The following NR2E1 variants were observed in gnomAD, a reference collection of about 807,000 sequenced individuals.
The protein encoded by NR2E1 is nuclear receptor TLX.
A neutral mutation model predicts 43.6 loss-of-function variants in NR2E1; 5 were observed. The observed-to-expected ratio is 0.11, with a 90% CI of 0.06 to 0.24. The LOEUF is 0.24. Among genes scored for constraint, NR2E1 ranks in the 10% least tolerant of loss-of-function variants. NR2E1 has a pLI of 1.00. For synonymous variants in NR2E1, 191 were observed against 195.5 expected (o/e 0.98, Z 0.19); for missense variants, 287 against 496.7 (o/e 0.58, Z 4.01).
chr6:108,170,717 G>T (rs1161544138), intron 1 of NR2E1, among the ~76,000 whole-genome samples: 1 of 152,120 alleles, frequency 6.6e-6, no homozygotes, highest in Non-Finnish European at 1.5e-5. Flanking sequence ...GAAATGGAGG[G>T]AGCCTGTCCC....
At chr6:108,170,569 G>A (rs1448153925) in intron 1 of NR2E1, among the ~76,000 whole-genome samples, 3 of 150,952 alleles carry the variant, frequency 2.0e-5, no homozygotes, top group African/African-American at 7.3e-5. Context: ...GGGGTGGGGG[G>A]ATACAGCCTA....
At chr6:108,173,692 T>A (rs1773848441) in intron 2 of NR2E1, among the ~76,000 whole-genome samples, 1 of 152,240 alleles carries the variant, frequency 6.6e-6, no homozygotes, top group Non-Finnish European at 1.5e-5. Flanking sequence ...ATTATCTTTC[T>A]TCTCACTACA....
In NR2E1 at chr6:108,166,695, G is replaced by T. The variant is rs1283135061; in HGVS notation, c.-71G>T. The T allele has an allele frequency of 1.5e-6, 2 of 1,354,464 alleles. No homozygotes were observed. The highest frequency in any genetic ancestry group is 1.9e-6 in the Non-Finnish European group (2 of 1,026,038). 83.9% of individuals were successfully genotyped at this position (1,354,464 alleles called of 1,614,324 possible). ...GGCAGCTGGAGAGCGGCGGCGCCCG[G>T]CGGCGAGGCGGGCGCTGCCGGCCGG... On this transcript the variant is annotated 5_prime_UTR_variant, in exon 1 of 9. Transcript: ENST00000368986. This position sits in a 1 kb window ranked among gnomAD's most constrained non-coding sequence, Gnocchi z 7.2.
intron 3 of NR2E1, among the ~76,000 whole-genome samples, chr6:108,175,692 G>T (rs1277931833): frequency 1.3e-5 from 2 of 152,196 alleles, no homozygotes; most frequent in African/African-American, 4.8e-5. Flanking sequence ...GGAGGACACC[G>T]TGGGGCCTGG....
Sources: gnomAD v4.1 joint callset for allele counts (sites outside exome capture counted in the v4.1 genomes callset) on GRCh38, gnomAD v4.1.1 for gene constraint, Gnocchi (gnomAD v3.1) non-coding constraint, MANE v1.5 for transcripts, NCBI Gene and HGNC (gene_info 2026-07-23, HGNC 2026-07-21) for gene names.